Variants in CGNL1 observed in about 807,000 individuals in gnomAD.
The protein encoded by CGNL1 is cingulin like 1, also known as cingulin-like protein 1.
CGNL1 carries 132 observed loss-of-function variants against 141.2 expected under a neutral mutation model. The observed-to-expected ratio is 0.93, with a 90% CI of 0.81 to 1.08. CGNL1 has a LOEUF of 1.08. CGNL1 is among the 50% of genes least tolerant of loss of function. CGNL1 has a pLI of 0.00. For missense variants in CGNL1, 1,870 were observed against 1,588.6 expected (o/e 1.18, Z -3.01); for synonymous variants, 690 against 622.1 (o/e 1.11, Z -1.63).
Position 57,420,735 on chromosome 15 carries a change from T to C in CGNL1, c.-15-17250T>C, listed in dbSNP as rs375165925. 7.2e-4 allele frequency among the ~76,000 whole-genome samples: 109 copies of C among 152,350 alleles called. 2 individuals carry two copies. In the South Asian group the frequency reaches 0.021, roughly 30 times the overall value. On this transcript the variant is annotated intron_variant, in intron 1 of 18. Transcript: ENST00000281282. ...TGAAGTTGTTTCATATAATTTTTAA[T>C]GCAGTTAGATTCTTTTTAGTCTGAT...
At chr15:57,508,600 A>C (rs2029926806) in intron 8 of CGNL1, among the ~76,000 whole-genome samples, 1 of 152,248 alleles carries the variant, frequency 6.6e-6, no homozygotes, top group Non-Finnish European at 1.5e-5. Flanking sequence ...GCTGGCTGCA[A>C]AGCCTGCAGT....
chr15:57,459,665 G>C (rs1728171446), intron 7 of CGNL1, among the ~76,000 whole-genome samples: 3 of 152,166 alleles, frequency 2.0e-5, no homozygotes, highest in Admixed American at 2.0e-4. Context: ...GAGGTGAGGA[G>C]GGCTTTACCC....
At chr15:57,447,805 CGTGTGTGTGTGTGTGTGT>C (rs3985737) in intron 4 of CGNL1, among the ~76,000 whole-genome samples, 7 of 144,358 alleles carry the variant, frequency 4.8e-5, no homozygotes, top group East Asian at 2.0e-4. Context: ...TCTCTCTTTT[CGTGTGTGTGTGTGTGTGT>C]GTGTGTGTGT....
chr15:57,536,197 A>G (rs568981341), intron 14 of CGNL1, among the ~76,000 whole-genome samples: 2 of 152,300 alleles, frequency 1.3e-5, no homozygotes, highest in South Asian at 4.2e-4. Flanking sequence ...CTTATTCACT[A>G]TTATGAGAAC....
Position 57,465,606 on chromosome 15 carries a change from G to T in CGNL1, c.2403+3714G>T, listed in dbSNP as rs949814623. Among the ~76,000 whole-genome samples the T allele has an allele frequency of 5.9e-5, 9 of 151,792 alleles. No homozygotes were observed. In the East Asian group the frequency reaches 1.7e-3, roughly 29 times the overall value. The stretch of plus-strand genomic sequence containing the variant: ...GGGTTTCACCATGTTGGCCAAGCTG[G>T]TCTCAAACCCCTGACCTCAGGGGAT... On this transcript the variant is annotated intron_variant, in intron 8 of 18. Coordinates refer to ENST00000281282, the MANE Select transcript of CGNL1 (RefSeq NM_032866.5).
chr15:57,499,164 A>G (rs1418852497), intron 8 of CGNL1, among the ~76,000 whole-genome samples: 1 of 151,024 alleles, frequency 6.6e-6, no homozygotes, highest in African/African-American at 2.4e-5. Context: ...TTGGAGTCGC[A>G]TGGCAGTGGT....
intron 8 of CGNL1, among the ~76,000 whole-genome samples, chr15:57,490,412 G>T (rs1052709241): frequency 3.4e-5 from 5 of 147,948 alleles, no homozygotes; most frequent in Admixed American, 6.7e-5. Flanking sequence ...ACACACACAC[G>T]CACGCACGCG....
chr15:57,471,419 A>G (rs1213373911), intron 8 of CGNL1, among the ~76,000 whole-genome samples: 1 of 152,238 alleles, frequency 6.6e-6, no homozygotes, highest in Non-Finnish European at 1.5e-5. Context: ...CTTCATGAAC[A>G]TGTTTAAGCA....
intron 8 of CGNL1, among the ~76,000 whole-genome samples, chr15:57,469,322 G>A (rs2063550700): frequency 6.6e-6 from 1 of 151,522 alleles, no homozygotes; most frequent in South Asian, 2.1e-4. Context: ...GGTCCTGGGA[G>A]CCCTCTGTGT....
chr15:57,540,587 G>C (rs1400332579), intron 14 of CGNL1, among the ~76,000 whole-genome samples: 2 of 152,216 alleles, frequency 1.3e-5, no homozygotes, highest in South Asian at 2.1e-4. Context: ...TTTCTACCCT[G>C]TCTATCCCTG....
At chr15:57,430,043 T>C (rs1306275295) in intron 1 of CGNL1, among the ~76,000 whole-genome samples, 1 of 152,206 alleles carries the variant, frequency 6.6e-6, no homozygotes, top group African/African-American at 2.4e-5. Flanking sequence ...ACTCTTGGGC[T>C]CAAGTGACCC....
At chr15:57,413,191 T>C (rs1268455805) in intron 1 of CGNL1, among the ~76,000 whole-genome samples, 1 of 65,668 alleles carries the variant, frequency 1.5e-5, no homozygotes, top group Non-Finnish European at 3.3e-5. Context: ...CTTTCTCTCT[T>C]TCTCTTTCTC....
chr15:57,476,860 A>G (rs1432260221), intron 8 of CGNL1, among the ~76,000 whole-genome samples: 3 of 152,240 alleles, frequency 2.0e-5, no homozygotes, highest in African/African-American at 7.2e-5. Context: ...CTGTTTTGTC[A>G]GCAGTGAGTA....
In CGNL1 at chr15:57,541,983, A is replaced by T. The variant is rs576035380; in HGVS notation, c.3292-1713A>T. On this transcript the variant is annotated intron_variant, in intron 14 of 18. Transcript: ENST00000281282. ...TCCCAACCCTGCCTGTCCCACCAGC[A>T]TCATTTAGCCCCCTTCCCCGTTGCC... Among the ~76,000 whole-genome samples, 12 of 152,314 alleles carry T rather than the reference A, an allele frequency of 7.9e-5. No homozygotes were observed. In the South Asian group the frequency reaches 2.5e-3, roughly 32 times the overall value.
At chr15:57,394,103 TTG>T (rs569770424) in intron 1 of CGNL1, 17,281 of 52,520 alleles carry the variant, frequency 0.33, 3,515 homozygotes, top group East Asian at 0.63. Context: ...TAATTTCTGT[TTG>T]TTTTTTTTTT....
intron 1 of CGNL1, among the ~76,000 whole-genome samples, chr15:57,427,858 G>A (rs1448797583): frequency 2.6e-5 from 4 of 152,166 alleles, no homozygotes; most frequent in African/African-American, 9.7e-5. Flanking sequence ...GGAGGCTGGA[G>A]GTGGGAAGGA....
chr15:57,410,287 T>C (rs1196613662), intron 1 of CGNL1, among the ~76,000 whole-genome samples: 1 of 152,220 alleles, frequency 6.6e-6, no homozygotes, highest in African/African-American at 2.4e-5. Flanking sequence ...GTTAAGTAGA[T>C]TAAATGTGAA....
intron 10 of CGNL1, among the ~76,000 whole-genome samples, chr15:57,523,073 T>A (rs1430762558): frequency 6.6e-6 from 1 of 152,232 alleles, no homozygotes; most frequent in Non-Finnish European, 1.5e-5. Flanking sequence ...GCATAGTAAA[T>A]ACTGGAACAT....
At chr15:57,434,583 G>A (rs2152300545) in intron 1 of CGNL1, among the ~76,000 whole-genome samples, 1 of 152,246 alleles carries the variant, frequency 6.6e-6, no homozygotes, top group South Asian at 2.1e-4. Context: ...CCCTGGGTAT[G>A]CCATTATGAA....
Sources: allele counts gnomAD v4.1 joint callset (sites outside exome capture counted in the v4.1 genomes callset), GRCh38; gene constraint gnomAD v4.1.1; transcripts MANE v1.5; gene names NCBI Gene and HGNC (gene_info 2026-07-23, HGNC 2026-07-21).